The following DAB2IP variants were observed in gnomAD, a reference collection of about 807,000 sequenced individuals.
The protein encoded by DAB2IP is DAB2 interacting protein.
Under a neutral mutation model 107.2 loss-of-function variants are expected in DAB2IP, and 28 were observed. The observed-to-expected ratio is 0.26, with a 90% CI of 0.19 to 0.36. DAB2IP has a LOEUF of 0.36. Ranked by LOEUF, DAB2IP falls within the 10% of genes least tolerant of loss-of-function variation. The probability of loss-of-function intolerance (pLI) is 1.00; values close to 1 mark genes in which losing one functional copy is unlikely to be tolerated. For missense variants in DAB2IP, 1,400 were observed against 1,644.7 expected, an observed-to-expected ratio of 0.85 and a Z score of 2.57; for synonymous variants, 755 against 706.4, an observed-to-expected ratio of 1.07 and a Z score of -1.09.
At chr9:121,715,440 C>T (rs1325229499) in intron 3 of DAB2IP, among the ~76,000 whole-genome samples, 6 of 151,354 alleles carry the variant, frequency 4.0e-5, no homozygotes, top group African/African-American at 1.5e-4. Flanking sequence ...GCAAGCTCCG[C>T]CTCCCAGGTT....
intron 3 of DAB2IP, among the ~76,000 whole-genome samples, chr9:121,732,999 A>G (rs898539923): frequency 2.0e-5 from 3 of 152,218 alleles, no homozygotes; most frequent in Non-Finnish European, 4.4e-5. Flanking sequence ...CACTGAAACT[A>G]CTTCCTGAGT....
At chr9:121,720,476 C>T (rs1830862620) in intron 3 of DAB2IP, among the ~76,000 whole-genome samples, 1 of 152,220 alleles carries the variant, frequency 6.6e-6, no homozygotes, top group Non-Finnish European at 1.5e-5. Context: ...GTCTGATTGT[C>T]TCAGATCAGG....
At chr9:121,723,527 CAG>C (rs772509225) in intron 3 of DAB2IP, among the ~76,000 whole-genome samples, 1 of 152,216 alleles carries the variant, frequency 6.6e-6, no homozygotes, top group Non-Finnish European at 1.5e-5. Context: ...GGTCTGGGCT[CAG>C]GGGAGCCCTG....
At chr9:121,571,357 A>C (rs1035112622) in intron 1 of DAB2IP, among the ~76,000 whole-genome samples, 1 of 152,166 alleles carries the variant, frequency 6.6e-6, no homozygotes, top group African/African-American at 2.4e-5. Flanking sequence ...TTGTTGAATG[A>C]GTGAGTGAAC....
intron 1 of DAB2IP, among the ~76,000 whole-genome samples, chr9:121,584,189 T>C (rs2118912581): frequency 6.6e-6 from 1 of 152,090 alleles, no homozygotes. Flanking sequence ...AATAAATAAA[T>C]AAATAAAAAC....
rs952741187 is a variant in DAB2IP at position 121,699,178 on chromosome 9, G to T, written c.229-147G>T. The T allele has an allele frequency of 5.0e-3, 4,578 of 920,968 alleles. 159 individuals are homozygous for T. The African/African-American group carries it at 0.076, about 15-fold the overall frequency. The allele number at this position is 920,968 out of a possible 1,614,324, so 57.0% of individuals were successfully genotyped here. ...CTCGGTCGGCGGGCGGGCGGCGCGGGCCGCGAGCTGCTGGGGCCGAGCCCG... is the reference window on the plus strand; with the variant it reads ...CTCGGTCGGCGGGCGGGCGGCGCGGTCCGCGAGCTGCTGGGGCCGAGCCCG... On this transcript the variant is annotated intron_variant, in intron 2 of 15. Transcript: ENST00000408936. This position sits in a 1 kb window ranked among gnomAD's most constrained non-coding sequence, Gnocchi z 6.2.
At chr9:121,637,545 G>T (rs945220706) in intron 1 of DAB2IP, among the ~76,000 whole-genome samples, 1 of 152,160 alleles carries the variant, frequency 6.6e-6, no homozygotes, top group African/African-American at 2.4e-5. Context: ...ACATTGAGAC[G>T]TCTCAGCCAA....
intron 3 of DAB2IP, among the ~76,000 whole-genome samples, chr9:121,723,030 A>G (rs1394114319): frequency 2.6e-5 from 4 of 152,190 alleles, no homozygotes; most frequent in African/African-American, 7.2e-5. Context: ...GCCACCCAGC[A>G]TGCTCCTGCT....
chr9:121,642,457 A>G (rs1832387271), intron 1 of DAB2IP, among the ~76,000 whole-genome samples: 1 of 149,118 alleles, frequency 6.7e-6, no homozygotes, highest in Non-Finnish European at 1.5e-5. Flanking sequence ...CTGCAATTAC[A>G]GGCGTGAGCC....
At chr9:121,594,989 G>A (rs1589385119) in intron 1 of DAB2IP, among the ~76,000 whole-genome samples, 2 of 152,242 alleles carry the variant, frequency 1.3e-5, no homozygotes, top group African/African-American at 4.8e-5. Flanking sequence ...TGGTGGACTT[G>A]GGAGACCTGG....
intron 1 of DAB2IP, among the ~76,000 whole-genome samples, chr9:121,636,439 A>T (rs1040463615): frequency 3.0e-4 from 46 of 152,220 alleles, no homozygotes; most frequent in African/African-American, 1.0e-3. Flanking sequence ...CAGGAGCAGG[A>T]GGGAGGAGGG....
intron 3 of DAB2IP, among the ~76,000 whole-genome samples, chr9:121,741,651 GA>G (rs1371932724): frequency 6.6e-6 from 1 of 151,902 alleles, no homozygotes; most frequent in African/African-American, 2.4e-5. Flanking sequence ...ATCCTGCCTG[GA>G]AATCACTGAG....
At chr9:121,648,215 A>G (rs974395116), upstream of DAB2IP, among the ~76,000 whole-genome samples, 1 of 152,180 alleles carries the variant, frequency 6.6e-6, no homozygotes, top group Admixed American at 6.5e-5. Context: ...TGAAGAACTT[A>G]CTCATGTAAC....
At position 121,776,212 on chromosome 9, in the gene DAB2IP, G is replaced by T. The variant is rs765704714; in HGVS notation, c.3135G>T (p.Leu1045=). 1 of 1,577,068 alleles carries T rather than the reference G, an allele frequency of 6.3e-7. No individual in the cohort carries two copies. Among genetic ancestry groups the T allele is most frequent in the East Asian group, 2.3e-5 (1 of 43,248 alleles). The change falls in exon 14 of 16, where the codon CTG becomes CTT. Residue 1045 remains leucine, a synonymous_variant. Coordinates refer to ENST00000408936, the Ensembl canonical transcript of DAB2IP. The surrounding 1 kb of genome is among the most constrained non-coding windows in gnomAD (Gnocchi z 5.4). ...CCTCCTGGTAGGACCTGGCGGTGCT[G>T]CAGGACAAGCTGCGAATCTCCACCA... is the stretch of plus-strand genomic sequence containing the variant.
intron 1 of DAB2IP, among the ~76,000 whole-genome samples, chr9:121,677,699 C>T (rs1157128666): frequency 6.6e-6 from 1 of 152,020 alleles, no homozygotes; most frequent in East Asian, 1.9e-4. Context: ...TCTCACTCTG[C>T]TGCCCAGGCT....
intron 6 of DAB2IP, among the ~76,000 whole-genome samples, chr9:121,761,186 C>T (rs1423966277): frequency 6.6e-6 from 1 of 152,170 alleles, no homozygotes; most frequent in African/African-American, 2.4e-5. Context: ...CAGGGTGCCC[C>T]TAGGAAGGCA....
chr9:121,729,313 A>C (rs1400758165), intron 3 of DAB2IP, among the ~76,000 whole-genome samples: 1 of 152,118 alleles, frequency 6.6e-6, no homozygotes, highest in Non-Finnish European at 1.5e-5. Flanking sequence ...TTTATCTCTA[A>C]GCCTTCTCTT....
At chr9:121,689,010 G>A (rs1307503847) in intron 2 of DAB2IP, among the ~76,000 whole-genome samples, 1 of 152,160 alleles carries the variant, frequency 6.6e-6, no homozygotes, top group Non-Finnish European at 1.5e-5. Context: ...GCCTTGAAAA[G>A]TGCCGGACGT....
intron 1 of DAB2IP, among the ~76,000 whole-genome samples, chr9:121,578,564 G>A (rs1189189932): frequency 6.6e-6 from 1 of 151,562 alleles, no homozygotes; most frequent in Non-Finnish European, 1.5e-5. Flanking sequence ...CCCCAGCTGA[G>A]GCCAACCTTG....
Sources: gnomAD v4.1 joint callset for allele counts (sites outside exome capture counted in the v4.1 genomes callset) on GRCh38, gnomAD v4.1.1 for gene constraint, Gnocchi (gnomAD v3.1) non-coding constraint, MANE v1.5 for transcripts, NCBI Gene and HGNC (gene_info 2026-07-23, HGNC 2026-07-21) for gene names.